The following GSDME variants were observed in gnomAD, a reference collection of about 807,000 sequenced individuals.
GSDME encodes the protein gasdermin E, also known as gasdermin-E.
GSDME carries 44 observed loss-of-function variants against 47.5 expected under a neutral mutation model. The ratio of observed to expected loss-of-function variants is 0.93; its 90% CI spans 0.73 to 1.19. The LOEUF is 1.19. GSDME is among the 50% of genes most tolerant of loss of function. GSDME has a pLI of 0.00. For missense variants in GSDME, 663 were observed against 604.2 expected (o/e 1.10, Z -1.02); for synonymous variants, 258 against 252.8 (o/e 1.02, Z -0.20).
At chr7:24,791,312 G>C in the GSDME span, among the ~76,000 whole-genome samples, 1 of 152,160 alleles carries the variant, frequency 6.6e-6, no homozygotes. The surrounding 1 kb of genome is among the most constrained non-coding windows in gnomAD (Gnocchi z 4.8). Context: ...ATTCATAAGG[G>C]CAGTCCAAAC....
In GSDME at chr7:24,714,994, T is replaced by G. The variant is rs1013789405; in HGVS notation, c.697+2260A>C. Among the ~76,000 whole-genome samples the G allele has an allele frequency of 1.3e-5, 2 of 152,112 alleles. No individual in the cohort carries two copies. The highest frequency in any genetic ancestry group is 4.8e-5 in the African/African-American group (2 of 41,410). On this transcript the variant is annotated intron_variant, in intron 5 of 9. Coordinates refer to ENST00000645220, the MANE Select transcript of GSDME (RefSeq NM_001127453.2). The surrounding 1 kb of genome is among the most constrained non-coding windows in gnomAD (Gnocchi z 5.0). Reference sequence around the variant, plus strand: ...TTGATGGACAAATAGATAAAGAAAATTGATGTATTTACACAATGGAATACT... The same window carrying G: ...TTGATGGACAAATAGATAAAGAAAAGTGATGTATTTACACAATGGAATACT...
At chr7:24,788,309 G>A in the GSDME span, among the ~76,000 whole-genome samples, 3 of 152,184 alleles carry the variant, frequency 2.0e-5, no homozygotes, top group East Asian at 3.9e-4. This position sits in a 1 kb window ranked among gnomAD's most constrained non-coding sequence, Gnocchi z 4.6. Flanking sequence ...GACAGGGCCT[G>A]GGATAGTTCT....
the GSDME span, among the ~76,000 whole-genome samples, chr7:24,789,882 C>T: frequency 6.6e-6 from 1 of 152,136 alleles, no homozygotes; most frequent in East Asian, 1.9e-4. Flanking sequence ...ACTAAGGTAG[C>T]GATGAAGGTT....
intron 8 of GSDME, chr7:24,703,926 C>A (rs1336223439): frequency 6.6e-6 from 1 of 152,268 alleles, no homozygotes. Flanking sequence ...ATCTCATCTG[C>A]CATTACTGCC....
At chr7:24,757,643 T>C (rs2128069592), upstream of GSDME, 1 of 152,370 alleles carries the variant, frequency 6.6e-6, no homozygotes, top group East Asian at 1.9e-4. This position sits in a 1 kb window ranked among gnomAD's most constrained non-coding sequence, Gnocchi z 5.9. Context: ...TGTGACTCTC[T>C]GGGAGCCGGG....
Position 24,754,697 on chromosome 7 carries a change from G to A in GSDME, c.-20+2699C>T, listed in dbSNP as rs533128440. Among the ~76,000 whole-genome samples, 222 of 152,240 alleles carry A rather than the reference G, an allele frequency of 1.5e-3. 2 individuals carry two copies. Among genetic ancestry groups the A allele is most frequent in the Non-Finnish European group, 2.6e-3 (176 of 68,020 alleles). On this transcript the variant is annotated intron_variant, in intron 1 of 9. Coordinates refer to ENST00000645220, the MANE Select transcript of GSDME (RefSeq NM_001127453.2). This position sits in a 1 kb window ranked among gnomAD's most constrained non-coding sequence, Gnocchi z 5.0. ...GCACACAGCCAACTGGAGCCACTGGGAACAAAGAATCTTAAAAATAGTTGC... is the reference window on the plus strand; with the variant it reads ...GCACACAGCCAACTGGAGCCACTGGAAACAAAGAATCTTAAAAATAGTTGC...
chr7:24,784,660 G>A, the GSDME span, among the ~76,000 whole-genome samples: 10 of 131,170 alleles, frequency 7.6e-5, no homozygotes, highest in Admixed American at 5.3e-4. Context: ...ACAGAGTCTC[G>A]GCAATTCTCT....
At chr7:24,782,238 C>A in the GSDME span, among the ~76,000 whole-genome samples, 1 of 134,400 alleles carries the variant, frequency 7.4e-6, no homozygotes. Context: ...CACAACAGGC[C>A]CCGGTGTGTG....
chr7:24,779,928 T>C, the GSDME span, among the ~76,000 whole-genome samples: 1 of 152,356 alleles, frequency 6.6e-6, no homozygotes, highest in East Asian at 1.9e-4. This position sits in a 1 kb window ranked among gnomAD's most constrained non-coding sequence, Gnocchi z 6.0. Flanking sequence ...GGCCAGAACT[T>C]TATCCCACGC....
chr7:24,715,646 A>C, intron 5 of GSDME: 1 of 313,170 alleles, frequency 3.2e-6, no homozygotes, highest in Non-Finnish European at 6.7e-6. Flanking sequence ...GAACAATTTG[A>C]TCCTCTTCAT....
At position 24,708,260 on chromosome 7, in the gene GSDME, A is replaced by G. The variant is rs55735863; in HGVS notation, c.863-6T>C. The G allele has an allele frequency of 0.051, 83,100 of 1,613,916 alleles. 2,473 individuals are homozygous for G. Among genetic ancestry groups the G allele is most frequent in the Non-Finnish European group, 0.058 (68,884 of 1,179,998 alleles). On this transcript the variant is annotated splice_region_variant and splice_polypyrimidine_tract_variant and intron_variant, in intron 6 of 9. Coordinates refer to ENST00000645220, the MANE Select transcript of GSDME (RefSeq NM_001127453.2). Reference sequence around the variant, plus strand: ...CCTCTCCAGGAGCAGGGTCGCTGTGAAAACAAAGCACACCCAAGTCTCATG... The same window carrying G: ...CCTCTCCAGGAGCAGGGTCGCTGTGGAAACAAAGCACACCCAAGTCTCATG...
Position 24,742,192 on chromosome 7 carries a change from C to T in GSDME, c.404+2370G>A, listed in dbSNP as rs898602645. On this transcript the variant is annotated intron_variant, in intron 3 of 9. Coordinates refer to ENST00000645220, the MANE Select transcript of GSDME (RefSeq NM_001127453.2). This position sits in a 1 kb window ranked among gnomAD's most constrained non-coding sequence, Gnocchi z 4.4. ...CCACCAAGTATCCTCCCTAGGGACGCGGGTTCATGCCTCGGCCTTAACATT... is the reference window on the plus strand; with the variant it reads ...CCACCAAGTATCCTCCCTAGGGACGTGGGTTCATGCCTCGGCCTTAACATT... Among the ~76,000 whole-genome samples, 9 of 152,180 alleles carry T rather than the reference C, an allele frequency of 5.9e-5. No homozygotes were observed. Among genetic ancestry groups the T allele is most frequent in the East Asian group, 1.9e-4 (1 of 5,192 alleles).
rs201176139 is a variant in GSDME, at chr7:24,719,038, T to G, written c.576+9A>C. On this transcript the variant is annotated intron_variant, in intron 4 of 9. Coordinates refer to ENST00000645220, the MANE Select transcript of GSDME (RefSeq NM_001127453.2). ...AGCCATGAACGCAGGGCAGCCCGACTGCACGCACCTGCACCGTCTTGGTCT... is the reference window on the plus strand; with the variant it reads ...AGCCATGAACGCAGGGCAGCCCGACGGCACGCACCTGCACCGTCTTGGTCT... 5 of 1,611,974 alleles carry G rather than the reference T, an allele frequency of 3.1e-6. No individual in the cohort carries two copies. The African/African-American group carries it at 5.3e-5, about 17-fold the overall frequency.
At chr7:24,793,020 A>C in the GSDME span, among the ~76,000 whole-genome samples, 1 of 152,140 alleles carries the variant, frequency 6.6e-6, no homozygotes, top group Non-Finnish European at 1.5e-5. Context: ...CTTACTGAGA[A>C]ATTTCCTTTT....
intron 2 of GSDME, among the ~76,000 whole-genome samples, chr7:24,748,427 G>A (rs529668783): frequency 6.6e-6 from 1 of 152,064 alleles, no homozygotes; most frequent in Non-Finnish European, 1.5e-5. Flanking sequence ...CAAAGTGCTG[G>A]GATTACAGGC....
the GSDME span, among the ~76,000 whole-genome samples, chr7:24,782,636 T>C: frequency 5.3e-5 from 8 of 152,194 alleles, no homozygotes; most frequent in African/African-American, 1.9e-4. Context: ...CTTGAGGAAT[T>C]ACCACACTGT....
Position 24,735,725 on chromosome 7 carries a change from T to G in GSDME, c.404+8837A>C, listed in dbSNP as rs568327242. 9.9e-5 allele frequency among the ~76,000 whole-genome samples: 15 copies of G among 151,502 alleles called. No homozygotes were observed. Among genetic ancestry groups the G allele is most frequent in the African/African-American group, 3.4e-4 (14 of 41,242 alleles). Reference sequence around the variant, plus strand: ...ATGAGCCGAGATTGCACCACTGCACTCCAGCCTGGGTGACAACAGCAAAAC... The same window carrying G: ...ATGAGCCGAGATTGCACCACTGCACGCCAGCCTGGGTGACAACAGCAAAAC... On this transcript the variant is annotated intron_variant, in intron 3 of 9. Transcript: ENST00000645220. This position sits in a 1 kb window ranked among gnomAD's most constrained non-coding sequence, Gnocchi z 4.4.
In GSDME at chr7:24,710,256, G is replaced by A. The variant is rs375794218; in HGVS notation, c.830C>T (p.Ser277Phe). The part of the protein sequence containing the change: ...DMPDAAHGIS[S>F]QDGPLSVLKQ... The stretch of plus-strand genomic sequence containing the variant: ...TAAAACACTTAATGGTCCATCCTGG[G>A]AAGATATCCCATGCGCAGCATCTGG... Residue 277 changes from serine to phenylalanine, a missense_variant, in exon 6 of 10, where the codon TCC becomes TTC. By Grantham distance (155) the Ser-to-Phe change is radical (BLOSUM62 -2). Transcript: ENST00000645220. 3.4e-5 allele frequency: 55 copies of A among 1,614,006 alleles called. No homozygotes were observed. The highest frequency in any genetic ancestry group is 8.9e-5 in the East Asian group (4 of 44,898).
chr7:24,784,196 G>A, the GSDME span, among the ~76,000 whole-genome samples: 1 of 152,166 alleles, frequency 6.6e-6, no homozygotes, highest in Non-Finnish European at 1.5e-5. Flanking sequence ...GATGGCTTGA[G>A]AGAGGACTTA....
Sources: gnomAD v4.1 joint callset for allele counts (sites outside exome capture counted in the v4.1 genomes callset) on GRCh38, gnomAD v4.1.1 for gene constraint, Gnocchi (gnomAD v3.1) non-coding constraint, MANE v1.5 for transcripts, NCBI Gene and HGNC (gene_info 2026-07-23, HGNC 2026-07-21) for gene names.